Variants in PPP1R15B observed in about 807,000 individuals in gnomAD.
PPP1R15B encodes the protein protein phosphatase 1 regulatory subunit 15B, also known as protein phosphatase 1, regulatory (inhibitor) subunit 15B.
Under a neutral mutation model 53.9 loss-of-function variants are expected in PPP1R15B, and 31 were observed. The observed-to-expected ratio is 0.58, with a 90% confidence interval of 0.43 to 0.78. The LOEUF (loss-of-function observed/expected upper bound fraction) is 0.78. Ranked by LOEUF, PPP1R15B falls within the 30% of genes least tolerant of loss-of-function variation. The pLI is 0.00. For missense variants in PPP1R15B, 928 were observed against 849.6 expected, an observed-to-expected ratio of 1.09 and a Z score of -1.15; for synonymous variants, 345 against 329.1, an observed-to-expected ratio of 1.05 and a Z score of -0.52.
At position 204,405,951 on chromosome 1, in the gene PPP1R15B, C is replaced by G; in HGVS notation, c.*141G>C. On this transcript the variant is annotated 3_prime_UTR_variant, in exon 2 of 2. Transcript: ENST00000367188. Reference sequence around the variant, plus strand: ...GAATGTTTCTGAGTGGGATATGTTGCAAAAAAAAAAATTAAACTAGATCCA... The same window carrying G: ...GAATGTTTCTGAGTGGGATATGTTGGAAAAAAAAAAATTAAACTAGATCCA... 2.9e-6 allele frequency: 3 copies of G among 1,035,574 alleles called. No individual in the cohort carries two copies. The South Asian group carries it at 6.5e-5, about 23-fold the overall frequency. 64.1% of individuals were successfully genotyped at this position (1,035,574 alleles called of 1,614,324 possible).
Position 204,409,691 on chromosome 1 carries a change from G to T in PPP1R15B, c.1721C>A (p.Pro574His), listed in dbSNP as rs757801388. The T allele has an allele frequency of 6.2e-6, 10 of 1,613,942 alleles. No homozygotes were observed. In the Admixed American group the frequency reaches 8.3e-5, roughly 13 times the overall value. The change falls in exon 1 of 2, where the codon CCT (proline) becomes CAT (histidine). Residue 574 changes from proline (P) to histidine (H), a missense_variant. Coordinates refer to ENST00000367188, the MANE Select transcript of PPP1R15B (RefSeq NM_032833.5). Reference sequence around the variant, plus strand: ...CTCATTTTCCCCTGATGTTTGAAAAGGAGCCTTAAAATTTAAAGGGTTGTA... The same window carrying T: ...CTCATTTTCCCCTGATGTTTGAAAATGAGCCTTAAAATTTAAAGGGTTGTA... ...DPYNPLNFKA[P>H]FQTSGENEKG...
rs145570007 is a variant in PPP1R15B, at chr1:204,410,957, G to C, written c.455C>G (p.Ser152Trp). The C allele has an allele frequency of 2.5e-6, 4 of 1,614,036 alleles. No homozygotes were observed. The African/African-American group carries it at 5.3e-5, about 22-fold the overall frequency. The change falls in exon 1 of 2, where the codon TCG (serine) becomes TGG (tryptophan). Residue 152 changes from serine to tryptophan, a missense_variant. Physicochemically the swap from Ser to Trp is radical, Grantham distance 177. Transcript: ENST00000367188. The stretch of plus-strand genomic sequence containing the variant: ...AAGCTCCAATTTTAGGTCTGGGGGC[G>C]AGTATTGCCAGTGGATCCCCTCCTC... ...WLEEGIHWQY[S>W]PPDLKLELKA...
chr1:204,396,207 G>A (rs942085916), downstream of PPP1R15B, among the ~76,000 whole-genome samples: 2 of 151,950 alleles, frequency 1.3e-5, no homozygotes, highest in Non-Finnish European at 2.9e-5. Flanking sequence ...AGAGCTAAAA[G>A]TGTTGAAAGC....
chr1:204,398,740 A>G (rs1437385937), downstream of PPP1R15B, among the ~76,000 whole-genome samples: 4 of 152,108 alleles, frequency 2.6e-5, no homozygotes, highest in Non-Finnish European at 4.4e-5. Flanking sequence ...TCTGGTGGAG[A>G]CAACAGAGCA....
In PPP1R15B at chr1:204,404,588, T is replaced by C; in HGVS notation, c.*1504A>G. ...CTCAATGTGTTTAATTATGAATATA[T>C]AAACAGTGGAGGCAGTTCTTAGAAC... is the stretch of plus-strand genomic sequence containing the variant. On this transcript the variant is annotated 3_prime_UTR_variant, in exon 2 of 2. Coordinates refer to ENST00000367188, the MANE Select transcript of PPP1R15B (RefSeq NM_032833.5). 1 of 985,552 alleles carries C rather than the reference T, an allele frequency of 1.0e-6. No homozygotes were observed. Among genetic ancestry groups the C allele is most frequent in the Non-Finnish European group, 1.2e-6 (1 of 829,672 alleles). The allele number at this position is 985,552 out of a possible 1,614,324, so 61.1% of individuals were successfully genotyped here. A position where few individuals can be genotyped will look rare whatever the true frequency, so the allele number is the denominator to read the frequency against.
At chr1:204,398,586 G>A (rs1674126389), downstream of PPP1R15B, among the ~76,000 whole-genome samples, 1 of 152,204 alleles carries the variant, frequency 6.6e-6, no homozygotes, top group Admixed American at 6.5e-5. Flanking sequence ...GAGTCACACT[G>A]GGCCAGGCAG....
chr1:204,399,825 C>T (rs1456981626), downstream of PPP1R15B, among the ~76,000 whole-genome samples: 4 of 152,044 alleles, frequency 2.6e-5, no homozygotes, highest in African/African-American at 9.7e-5. Flanking sequence ...ATTTGAGATC[C>T]AAAGAGGAAC....
chr1:204,397,817 G>T (rs1033173455), downstream of PPP1R15B, among the ~76,000 whole-genome samples: 1 of 151,048 alleles, frequency 6.6e-6, no homozygotes, highest in African/African-American at 2.4e-5. Flanking sequence ...GCTACCACTG[G>T]AAAGAGTAGT....
rs1674347618 is a variant in PPP1R15B at position 204,410,452 on chromosome 1, A to G, written c.960T>C (p.Asn320=). The change falls in exon 1 of 2, where the codon AAT becomes AAC. Residue 320 remains asparagine, a synonymous_variant. Transcript: ENST00000367188. ...GTTCCTCCTCCAGGCTGTGGTAGCC[A>G]TTATCCTGGTCAGGGGTGGGTAAAT... ...GQDLPTPDQD[N]GYHSLEEEHS... is the part of the protein sequence containing the mutation. 1 of 1,614,054 alleles carries G rather than the reference A, an allele frequency of 6.2e-7. No individual in the cohort carries two copies. The highest frequency in any genetic ancestry group is 8.5e-7 in the Non-Finnish European group (1 of 1,180,020).
rs375282063 is a variant in PPP1R15B, at chr1:204,405,991, T to TAA, written c.*99_*100dup. 1.8e-5 allele frequency: 20 copies of TAA among 1,126,486 alleles called. No homozygotes were observed. The African/African-American group carries it at 1.9e-4, about 11-fold the overall frequency. 69.8% of individuals were successfully genotyped at this position (1,126,486 alleles called of 1,614,324 possible). A position where few individuals can be genotyped will look rare whatever the true frequency, so the allele number is the denominator to read the frequency against. The stretch of plus-strand genomic sequence containing the variant: ...AACTAGATCCAAGTTACATTTCCTC[T>TAA]AAAAAAAAAAATGTCAAAGGACAGC... On this transcript the variant is annotated 3_prime_UTR_variant, in exon 2 of 2. Transcript: ENST00000367188.
At position 204,406,013 on chromosome 1, in the gene PPP1R15B, C is replaced by T; in HGVS notation, c.*79G>A. 1 of 1,517,226 alleles carries T rather than the reference C, an allele frequency of 6.6e-7. No individual in the cohort carries two copies. 94.0% of individuals were successfully genotyped at this position (1,517,226 alleles called of 1,614,324 possible). A position where few individuals can be genotyped will look rare whatever the true frequency, so the allele number is the denominator to read the frequency against. ...CTCTAAAAAAAAAAATGTCAAAGGA[C>T]AGCTGCCAAGATTTGTTTTTAAAAG... On this transcript the variant is annotated 3_prime_UTR_variant, in exon 2 of 2. Transcript: ENST00000367188.
chr1:204,410,707 T>C lies in PPP1R15B; in HGVS notation c.705A>G (p.Glu235=), dbSNP rs779674510. The change falls in exon 1 of 2, where the codon GAA becomes GAG. Residue 235 remains glutamate, a synonymous_variant. Coordinates refer to ENST00000367188, the MANE Select transcript of PPP1R15B (RefSeq NM_032833.5). ...PSYLDCFPRL[E]VSYQNSDGNS... is the part of the protein sequence containing the mutation. ...TTCCATCACTGTTCTGATAGCTGAC[T>C]TCTAGCCTAGGAAAGCAGTCCAGGT... The C allele has an allele frequency of 8.1e-6, 13 of 1,614,042 alleles. No individual in the cohort carries two copies. The East Asian group carries it at 2.9e-4, about 36-fold the overall frequency.
chr1:204,401,145 T>C (rs1221419789), downstream of PPP1R15B, among the ~76,000 whole-genome samples: 2 of 152,252 alleles, frequency 1.3e-5, no homozygotes, highest in African/African-American at 4.8e-5. Context: ...GTTCCATGTG[T>C]AGAATGAGTT....
At chr1:204,401,702 A>G (rs1250278461), downstream of PPP1R15B, among the ~76,000 whole-genome samples, 1 of 152,192 alleles carries the variant, frequency 6.6e-6, no homozygotes, top group African/African-American at 2.4e-5. Flanking sequence ...AATCTGAGTA[A>G]CTATCTAAAT....
chr1:204,399,289 G>A (rs372802840), downstream of PPP1R15B, among the ~76,000 whole-genome samples: 49 of 152,220 alleles, frequency 3.2e-4, no homozygotes, highest in Admixed American at 1.0e-3. Flanking sequence ...GAGTCCAGGC[G>A]TGGTGGCTCA....
downstream of PPP1R15B, among the ~76,000 whole-genome samples, chr1:204,398,903 T>C (rs1451898254): frequency 2.6e-5 from 4 of 152,254 alleles, no homozygotes; most frequent in African/African-American, 9.6e-5. Flanking sequence ...ATTAACAATG[T>C]GTCTTATATT....
In PPP1R15B at chr1:204,411,623, G is replaced by A. The variant is rs1674382178; in HGVS notation, c.-212C>T. On this transcript the variant is annotated 5_prime_UTR_variant, in exon 1 of 2. Transcript: ENST00000367188. ...GGAAGAACAGCCCGCGCAATAGGCG[G>A]CGACTGATGCGACTTCCATCCTGGC... 1.6e-6 allele frequency: 1 copy of A among 616,780 alleles called. No homozygotes were observed. The highest frequency in any genetic ancestry group is 2.0e-5 in the South Asian group (1 of 49,662). 38.2% of individuals were successfully genotyped at this position (616,780 alleles called of 1,614,324 possible). A position where few individuals can be genotyped will look rare whatever the true frequency, so the allele number is the denominator to read the frequency against.
rs1470631230 is a variant in PPP1R15B at position 204,403,962 on chromosome 1, T to C, written c.*2130A>G. On this transcript the variant is annotated 3_prime_UTR_variant, in exon 2 of 2. Transcript: ENST00000367188. ...TGGGGAACAATTTTCCAAAATCCAATGAAAGATGTCTCATTATTTTCAAAT... is the reference window on the plus strand; with the variant it reads ...TGGGGAACAATTTTCCAAAATCCAACGAAAGATGTCTCATTATTTTCAAAT... The C allele has an allele frequency of 3.0e-6, 3 of 985,304 alleles. No individual in the cohort carries two copies. Among genetic ancestry groups the C allele is most frequent in the Non-Finnish European group, 3.6e-6 (3 of 829,930 alleles). The allele number at this position is 985,304 out of a possible 1,614,324, so 61.0% of individuals were successfully genotyped here.
downstream of PPP1R15B, among the ~76,000 whole-genome samples, chr1:204,396,551 T>G (rs1572248693): frequency 4.0e-5 from 2 of 49,590 alleles, no homozygotes; most frequent in Admixed American, 2.1e-4. Flanking sequence ...ACCCTGTCTG[T>G]CAAAAAAAAA....
Sources: allele counts gnomAD v4.1 joint callset (sites outside exome capture counted in the v4.1 genomes callset), GRCh38; gene constraint gnomAD v4.1.1; transcripts MANE v1.5; gene names NCBI Gene and HGNC (gene_info 2026-07-23, HGNC 2026-07-21).